CRYBG2: variants seen among roughly 807,000 people sequenced by gnomAD.
CRYBG2 encodes crystallin beta-gamma domain containing 2, also known as beta/gamma crystallin domain-containing protein 2.
Under a neutral mutation model 153.4 loss-of-function variants are expected in CRYBG2, and 106 were observed. The ratio of observed to expected loss-of-function variants is 0.69; its 90% CI spans 0.59 to 0.81. The LOEUF is 0.81. Among genes scored for constraint, CRYBG2 ranks in the 30% least tolerant of loss-of-function variants. The probability of loss-of-function intolerance (pLI) is 0.00; values close to 1 mark genes in which losing one functional copy is unlikely to be tolerated. For missense variants in CRYBG2, 1,996 were observed against 2,112.0 expected, an observed-to-expected ratio of 0.95 and a Z score of 1.08; for synonymous variants, 851 against 877.8, an observed-to-expected ratio of 0.97 and a Z score of 0.54.
At chr1:26,341,459 C>A (rs1036715734) in intron 5 of CRYBG2, among the ~76,000 whole-genome samples, 1 of 152,090 alleles carries the variant, frequency 6.6e-6, no homozygotes, top group Non-Finnish European at 1.5e-5. Flanking sequence ...TATTACTGTG[C>A]GGTGAAAACA....
rs572433224 is a variant in CRYBG2, at chr1:26,343,376, A to G, written c.2914-83T>C. The G allele has an allele frequency of 4.6e-4, 673 of 1,461,602 alleles. 2 individuals carry two copies. Among genetic ancestry groups the G allele is most frequent in the Admixed American group, 1.2e-3 (63 of 50,860 alleles). 90.5% of individuals were successfully genotyped at this position (1,461,602 alleles called of 1,614,324 possible). ...CACAACCCGCCATTCCAAGGATCCC[A>G]CATCCTCCCTATTAACCTCCACCCG... On this transcript the variant is annotated intron_variant, in intron 2 of 19. Transcript: ENST00000308182. This position sits in a 1 kb window ranked among gnomAD's most constrained non-coding sequence, Gnocchi z 4.1.
At chr1:26,328,524 A>C (rs1324029864) in intron 16 of CRYBG2, 192 bp from the exon 17 acceptor site, 6 of 1,138,660 alleles carry the variant, frequency 5.3e-6, no homozygotes, top group Non-Finnish European at 3.6e-6. Flanking sequence ...TTCAGGGTAA[A>C]GAAGGATCCT....
chr1:26,339,314 G>A lies in CRYBG2; in HGVS notation c.3320C>T (p.Ala1107Val). 1 of 1,614,108 alleles carries A rather than the reference G, an allele frequency of 6.2e-7. No homozygotes were observed. Residue 1107 changes from alanine (A) to valine (V), a missense_variant, in exon 6 of 20, where the codon GCA becomes GTA. Coordinates refer to ENST00000308182, the MANE Select transcript of CRYBG2 (RefSeq NM_001039775.4). The part of the protein sequence containing the change: ...SQGLEKPLQV[A>V]SATVSAGLWL... ...CAGTCCTGCAGAGACGGTGGCAGAT[G>A]CCACCTGCAGGGGCTTCTCCAGACC...
At chr1:26,330,923 G>C (rs556462985) in intron 15 of CRYBG2, among the ~76,000 whole-genome samples, 4 of 152,224 alleles carry the variant, frequency 2.6e-5, no homozygotes, top group African/African-American at 7.2e-5. Flanking sequence ...GCCCCCACTG[G>C]CCACACAGTC....
intron 15 of CRYBG2, among the ~76,000 whole-genome samples, chr1:26,329,228 G>A (rs2073969914): frequency 7.4e-6 from 1 of 135,146 alleles, no homozygotes; most frequent in Middle Eastern, 4.3e-3. Flanking sequence ...CCAGGCTGCA[G>A]TACAGTGGCG....
rs757247008 is a variant in CRYBG2 at position 26,338,493 on chromosome 1, AG to A, written c.3345-17del. Reference sequence around the variant, plus strand: ...CAGTAGCCACCTAGGGGAAACAGAGAGGCTGCTGCACCCTAGCAGAGAGACT... The same window carrying A: ...CAGTAGCCACCTAGGGGAAACAGAGAGCTGCTGCACCCTAGCAGAGAGACT... On this transcript the variant is annotated splice_polypyrimidine_tract_variant and intron_variant, in intron 6 of 19. Transcript: ENST00000308182. 12 of 1,592,484 alleles carry A rather than the reference AG, an allele frequency of 7.5e-6. No homozygotes were observed. In the South Asian group the frequency reaches 1.3e-4, roughly 17 times the overall value.
In CRYBG2 at chr1:26,336,293, GGA is replaced by G. The variant is rs2074053820; in HGVS notation, c.4071+43_4071+44del. 5.6e-6 allele frequency: 9 copies of G among 1,611,128 alleles called. No homozygotes were observed. The highest frequency in any genetic ancestry group is 2.7e-5 in the African/African-American group (2 of 74,842). ...GGGAGGGGAAAGGTCCGAAATGAGG[GGA>G]GAGACGTGAGCCCAGCGGCTCCCTG... On this transcript the variant is annotated intron_variant, in intron 13 of 19. Transcript: ENST00000308182. The surrounding 1 kb of genome is among the most constrained non-coding windows in gnomAD (Gnocchi z 4.9).
chr1:26,353,968 G>T (rs2074311348), intron 1 of CRYBG2, 68 bp downstream of exon 1: 2 of 399,034 alleles, frequency 5.0e-6, no homozygotes, highest in South Asian at 2.6e-4. Context: ...GAGGCCCAGG[G>T]AATAGGCAAA....
In CRYBG2 at chr1:26,343,851, T is replaced by C; in HGVS notation, c.2807A>G (p.His936Arg). ...CACCTTCCTGAGCCCCGGTGCCCCA[T>C]GGGGCAGCAGAGCAGATAGTTTTGT... ...LGTKLSALLP[H>R]GAPGLRKVPG... The change falls in exon 2 of 20, where the codon CAT (histidine) becomes CGT (arginine). Residue 936 changes from histidine (H) to arginine (R), a missense_variant. Transcript: ENST00000308182. This position sits in a 1 kb window ranked among gnomAD's most constrained non-coding sequence, Gnocchi z 4.1. 6.7e-7 allele frequency: 1 copy of C among 1,482,356 alleles called. No individual in the cohort carries two copies. Among genetic ancestry groups the C allele is most frequent in the East Asian group, 2.5e-5 (1 of 40,338 alleles). 91.8% of individuals were successfully genotyped at this position (1,482,356 alleles called of 1,614,324 possible).
intron 14 of CRYBG2, among the ~76,000 whole-genome samples, chr1:26,334,288 G>A (rs1042583646): frequency 2.6e-5 from 4 of 152,042 alleles, no homozygotes; most frequent in Non-Finnish European, 4.4e-5. Context: ...AGCCGGGCGC[G>A]GTGGCGTGCA....
chr1:26,322,269 C>T lies in CRYBG2; in HGVS notation c.4792G>A (p.Val1598Met), dbSNP rs1345271407. 1.2e-6 allele frequency: 2 copies of T among 1,613,926 alleles called. No individual in the cohort carries two copies. The highest frequency in any genetic ancestry group is 2.7e-5 in the African/African-American group (2 of 74,946). Residue 1598 changes from valine to methionine, a missense_variant, in exon 19 of 20, where the codon GTG (valine) becomes ATG (methionine). Val to Met is a conservative substitution (Grantham distance 21, BLOSUM62 1). Coordinates refer to ENST00000308182, the MANE Select transcript of CRYBG2 (RefSeq NM_001039775.4). The part of the protein sequence containing the change: ...VIGPPSPGSK[V>M]VLWAESRLPR... ...AGGCGGCTCTCGGCCCACAGCACCA[C>T]CTTGGAGCCTGGGCTAGGGGGTCCA... is the stretch of plus-strand genomic sequence containing the variant.
chr1:26,333,004 C>A, intron 14 of CRYBG2, among the ~76,000 whole-genome samples: 1 of 26,450 alleles, frequency 3.8e-5, no homozygotes, highest in African/African-American at 1.3e-4. Flanking sequence ...TGGATGAACA[C>A]ACCAAACCCC....
chr1:26,335,714 G>T (rs903045436), intron 14 of CRYBG2, among the ~76,000 whole-genome samples: 1 of 152,156 alleles, frequency 6.6e-6, no homozygotes, highest in African/African-American at 2.4e-5. Context: ...AACACGGACT[G>T]GGTATTGGGT....
At chr1:26,327,585 G>T (rs1182172514) in intron 17 of CRYBG2, among the ~76,000 whole-genome samples, 2 of 151,898 alleles carry the variant, frequency 1.3e-5, no homozygotes, top group African/African-American at 4.8e-5. Flanking sequence ...GGAAGCGGAG[G>T]TTGCAGTGAG....
chr1:26,330,689 C>G (rs1313174092), intron 15 of CRYBG2, among the ~76,000 whole-genome samples: 1 of 151,940 alleles, frequency 6.6e-6, no homozygotes, highest in East Asian at 1.9e-4. Context: ...CAGACGTGCA[C>G]CACCACACCT....
intron 1 of CRYBG2, 37 bp downstream of exon 1, chr1:26,353,999 G>A (rs2074311590): frequency 2.5e-6 from 1 of 399,268 alleles, no homozygotes; most frequent in Non-Finnish European, 4.4e-6. Flanking sequence ...AGGGCAGCCA[G>A]GCCAGTCTCC....
rs886764142 is a variant in CRYBG2, at chr1:26,321,883, A to G, written c.*85T>C. The G allele has an allele frequency of 1.6e-6, 2 of 1,236,434 alleles. No homozygotes were observed. Among genetic ancestry groups the G allele is most frequent in the Admixed American group, 5.8e-5 (2 of 34,476 alleles). 76.6% of individuals were successfully genotyped at this position (1,236,434 alleles called of 1,614,324 possible). On this transcript the variant is annotated 3_prime_UTR_variant, in exon 20 of 20. Coordinates refer to ENST00000308182, the MANE Select transcript of CRYBG2 (RefSeq NM_001039775.4). ...ACAAGGGTACCTGGCAGCATATTAG[A>G]AAATAGCTTATGTTACAACAAAAAC... is the stretch of plus-strand genomic sequence containing the variant.
intron 5 of CRYBG2, among the ~76,000 whole-genome samples, chr1:26,339,750 A>AG (rs2074107910): frequency 6.6e-6 from 1 of 152,010 alleles, no homozygotes. Flanking sequence ...ACAAAAAAAA[A>AG]AAAGAAAGAA....
chr1:26,336,313 G>A lies in CRYBG2; in HGVS notation c.4071+25C>T. 6.2e-7 allele frequency: 1 copy of A among 1,612,806 alleles called. No homozygotes were observed. Among genetic ancestry groups the A allele is most frequent in the Non-Finnish European group, 8.5e-7 (1 of 1,179,374 alleles). ...TGAGGGGAGAGACGTGAGCCCAGCG[G>A]CTCCCTGCGGAGTCCCTGCCTTACC... is the stretch of plus-strand genomic sequence containing the variant. On this transcript the variant is annotated intron_variant, in intron 13 of 19. Transcript: ENST00000308182. This position sits in a 1 kb window ranked among gnomAD's most constrained non-coding sequence, Gnocchi z 4.9.
Sources: gnomAD v4.1 joint callset for allele counts (sites outside exome capture counted in the v4.1 genomes callset) on GRCh38, gnomAD v4.1.1 for gene constraint, Gnocchi (gnomAD v3.1) non-coding constraint, MANE v1.5 for transcripts, NCBI Gene and HGNC (gene_info 2026-07-23, HGNC 2026-07-21) for gene names.